Variants in SGCG observed in about 807,000 individuals in gnomAD.
SGCG encodes gamma-sarcoglycan.
In SGCG, 26 loss-of-function variants were observed where a neutral mutation model predicts 29.3. That is an observed-to-expected ratio of 0.89 (90% CI 0.65 to 1.23). The LOEUF (loss-of-function observed/expected upper bound fraction) is 1.23, where lower values mean the gene tolerates loss of function less well. Ranked by LOEUF, SGCG falls within the 50% of genes most tolerant of loss-of-function variation. The probability of loss-of-function intolerance (pLI) is 0.00; values close to 1 mark genes in which losing one functional copy is unlikely to be tolerated. For missense variants in SGCG, 353 were observed against 356.0 expected (o/e 0.99, Z 0.07); for synonymous variants, 145 against 129.7 (o/e 1.12, Z -0.80).
intron 6 of SGCG, among the ~76,000 whole-genome samples, chr13:23,301,140 G>A (rs955597601): frequency 4.6e-5 from 7 of 152,038 alleles, no homozygotes; most frequent in Non-Finnish European, 8.8e-5. Context: ...GAACTACCAT[G>A]GAGAAGAATT....
intron 4 of SGCG, among the ~76,000 whole-genome samples, chr13:23,255,513 G>A (rs1207943438): frequency 2.6e-5 from 4 of 152,158 alleles, no homozygotes; most frequent in Non-Finnish European, 5.9e-5. Flanking sequence ...AGATTTGGGG[G>A]AGCAAGGGAA....
At chr13:23,183,613 T>G (rs748157317) in intron 1 of SGCG, among the ~76,000 whole-genome samples, 13 of 152,172 alleles carry the variant, frequency 8.5e-5, no homozygotes, top group Non-Finnish European at 1.6e-4. Context: ...ATGAAAATCT[T>G]CCTTTTCTTC....
intron 4 of SGCG, chr13:23,268,020 T>C (rs1282029667): frequency 2.0e-5 from 3 of 152,942 alleles, no homozygotes; most frequent in Non-Finnish European, 4.4e-5. Flanking sequence ...CATTACTTGA[T>C]TAATGATCCT....
At chr13:23,172,864 G>C in the SGCG span, among the ~76,000 whole-genome samples, 4 of 152,208 alleles carry the variant, frequency 2.6e-5, no homozygotes, top group African/African-American at 9.6e-5. Flanking sequence ...TGCAAGAAAG[G>C]AGGAAGTGGG....
chr13:23,205,012 G>T (rs1388754032), intron 2 of SGCG, among the ~76,000 whole-genome samples: 1 of 151,558 alleles, frequency 6.6e-6, no homozygotes, highest in Non-Finnish European at 1.5e-5. Context: ...AGTTTGAAAT[G>T]GTGTTAGCAT....
intron 1 of SGCG, among the ~76,000 whole-genome samples, chr13:23,183,622 T>G (rs1380211603): frequency 6.6e-6 from 1 of 152,178 alleles, no homozygotes; most frequent in East Asian, 1.9e-4. Flanking sequence ...TTCCTTTTCT[T>G]CAACATTTTT....
rs1391852451 is a variant in SGCG at position 23,324,331 on chromosome 13, T to G, written c.703-37T>G. 1.9e-6 allele frequency: 3 copies of G among 1,608,428 alleles called. No homozygotes were observed. The South Asian group carries it at 3.3e-5, about 18-fold the overall frequency. ...GATTTGCTGCTGACCAGGGTGGCCC[T>G]TCCTTAACTCTTCGTCTCTCATCTT... On this transcript the variant is annotated intron_variant, in intron 7 of 7. Coordinates refer to ENST00000218867, the MANE Select transcript of SGCG (RefSeq NM_000231.3).
chr13:23,178,523 A>C (rs923102379), upstream of SGCG, among the ~76,000 whole-genome samples: 5 of 152,234 alleles, frequency 3.3e-5, no homozygotes, highest in Admixed American at 6.5e-5. Context: ...CCATGACTGC[A>C]GTTAGCTTAT....
At chr13:23,215,396 T>C (rs1002337456) in intron 2 of SGCG, among the ~76,000 whole-genome samples, 1 of 152,184 alleles carries the variant, frequency 6.6e-6, no homozygotes, top group Non-Finnish European at 1.5e-5. Context: ...TTAGGTTTTA[T>C]TTAGAAAAGC....
intron 1 of SGCG, among the ~76,000 whole-genome samples, chr13:23,196,421 T>G (rs192725709): frequency 6.0e-4 from 92 of 152,290 alleles, no homozygotes; most frequent in Non-Finnish European, 4.0e-4. Flanking sequence ...AGGAGCAGCA[T>G]GTCTCTTTTT....
rs546680170 is a variant in SGCG, at chr13:23,211,308, A to G, written c.195+7419A>G. Among the ~76,000 whole-genome samples the G allele has an allele frequency of 9.7e-4, 147 of 152,330 alleles. 1 individual carries two copies. The highest frequency in any genetic ancestry group is 3.5e-3 in the African/African-American group (146 of 41,592). On this transcript the variant is annotated intron_variant, in intron 2 of 7. Coordinates refer to ENST00000218867, the MANE Select transcript of SGCG (RefSeq NM_000231.3). Reference sequence around the variant, plus strand: ...AAGCCTGTGCTTCTCCTAACTTTCCAGCCACACACATCACTCTCCTGCGGT... The same window carrying G: ...AAGCCTGTGCTTCTCCTAACTTTCCGGCCACACACATCACTCTCCTGCGGT...
At chr13:23,292,380 G>A (rs1476588772) in intron 5 of SGCG, among the ~76,000 whole-genome samples, 1 of 152,214 alleles carries the variant, frequency 6.6e-6, no homozygotes, top group Non-Finnish European at 1.5e-5. Context: ...AAAGTGCTGG[G>A]ATTACCGGCG....
At chr13:23,188,167 T>G (rs1037097335) in intron 1 of SGCG, among the ~76,000 whole-genome samples, 1 of 152,182 alleles carries the variant, frequency 6.6e-6, no homozygotes, top group Non-Finnish European at 1.5e-5. Flanking sequence ...TGGTGGTAAG[T>G]GCAAGATACA....
intron 7 of SGCG, among the ~76,000 whole-genome samples, chr13:23,321,567 G>A (rs1055939367): frequency 3.4e-4 from 52 of 152,194 alleles, no homozygotes; most frequent in African/African-American, 1.1e-3. Context: ...GGATCTCACC[G>A]TGGAGATGGC....
At chr13:23,178,186 G>A (rs1477909128), upstream of SGCG, among the ~76,000 whole-genome samples, 4 of 151,990 alleles carry the variant, frequency 2.6e-5, no homozygotes, top group South Asian at 2.1e-4. Context: ...GGCAGTTCCC[G>A]GAAGCAGAGG....
At chr13:23,316,569 T>A (rs886190469) in intron 6 of SGCG, among the ~76,000 whole-genome samples, 2 of 152,170 alleles carry the variant, frequency 1.3e-5, no homozygotes, top group East Asian at 3.9e-4. Flanking sequence ...CAGAAGGCCG[T>A]GTATGCTCTG....
chr13:23,215,942 A>T (rs571856186), intron 2 of SGCG, among the ~76,000 whole-genome samples: 14 of 152,312 alleles, frequency 9.2e-5, no homozygotes, highest in Admixed American at 6.5e-4. Context: ...ATGTGCACAA[A>T]ATGTGAAATA....
chr13:23,289,965 C>G (rs1247302791), intron 5 of SGCG, among the ~76,000 whole-genome samples: 1 of 152,138 alleles, frequency 6.6e-6, no homozygotes, highest in Non-Finnish European at 1.5e-5. Flanking sequence ...TACACGTAAT[C>G]AGCGAAGGTG....
In SGCG at chr13:23,212,360, C is replaced by T. The variant is rs147938387; in HGVS notation, c.195+8471C>T. On this transcript the variant is annotated intron_variant, in intron 2 of 7. Transcript: ENST00000218867. The stretch of plus-strand genomic sequence containing the variant: ...CTCCTACATTCTCTTTTGTAAGACT[C>T]GGACTTATTTTTCCCAGCATAGCAC... 3.4e-4 allele frequency among the ~76,000 whole-genome samples: 46 copies of T among 136,316 alleles called. 1 individual carries two copies. The highest frequency in any genetic ancestry group is 1.2e-3 in the African/African-American group (42 of 35,730). The allele number at this position is 136,316 out of a possible 152,430, so 89.4% of individuals were successfully genotyped here.
Sources: allele counts gnomAD v4.1 joint callset (sites outside exome capture counted in the v4.1 genomes callset), GRCh38; gene constraint gnomAD v4.1.1; transcripts MANE v1.5; gene names NCBI Gene and HGNC (gene_info 2026-07-23, HGNC 2026-07-21).